Variants in PRKCB observed in about 807,000 individuals in gnomAD.
PRKCB encodes the protein protein kinase C beta.
Under a neutral mutation model 81.5 loss-of-function variants are expected in PRKCB, and 13 were observed. The observed-to-expected ratio is 0.16, with a 90% confidence interval of 0.10 to 0.25. The LOEUF (loss-of-function observed/expected upper bound fraction) is 0.25. Ranked by LOEUF, PRKCB falls within the 10% of genes least tolerant of loss-of-function variation. The pLI is 1.00. For missense variants in PRKCB, 509 were observed against 875.7 expected (o/e 0.58, Z 5.29); for synonymous variants, 335 against 321.4 (o/e 1.04, Z -0.45).
At chr16:23,957,658 C>T (rs1324704661) in intron 2 of PRKCB, among the ~76,000 whole-genome samples, 1 of 152,062 alleles carries the variant, frequency 6.6e-6, no homozygotes, top group Non-Finnish European at 1.5e-5. Flanking sequence ...CTCCCCACCC[C>T]TCACCTTAGT....
intron 2 of PRKCB, among the ~76,000 whole-genome samples, chr16:23,846,573 G>T (rs1962371463): frequency 8.2e-6 from 1 of 121,572 alleles, no homozygotes; most frequent in South Asian, 2.8e-4. Context: ...TTGCGCCACT[G>T]CACTCCAGCC....
At chr16:24,115,643 T>G (rs1009524939) in intron 8 of PRKCB, among the ~76,000 whole-genome samples, 3 of 152,154 alleles carry the variant, frequency 2.0e-5, no homozygotes, top group Admixed American at 1.3e-4. Context: ...AGAGCATTTT[T>G]CCCAAGACTA....
chr16:24,047,848 C>T (rs1000717344), intron 5 of PRKCB, among the ~76,000 whole-genome samples: 1 of 152,138 alleles, frequency 6.6e-6, no homozygotes, highest in Non-Finnish European at 1.5e-5. Flanking sequence ...TGCCTGTTGC[C>T]CCAGCACTGT....
chr16:23,884,608 C>G (rs1003330510), intron 2 of PRKCB, among the ~76,000 whole-genome samples: 1 of 152,206 alleles, frequency 6.6e-6, no homozygotes, highest in Admixed American at 6.5e-5. Context: ...GACCGTAGCT[C>G]ACTGCAGCTT....
At chr16:23,902,732 C>CCCTCCATCCCTCCCTCCCTT (rs1175142476) in intron 2 of PRKCB, among the ~76,000 whole-genome samples, 1 of 11,114 alleles carries the variant, frequency 9.0e-5, no homozygotes, top group African/African-American at 4.7e-4. Context: ...CTCCCTTCCT[C>CCCTCCATCCCTCCCTCCCTT]CCTTCCTTCC....
chr16:23,937,602 G>A (rs749119216), intron 2 of PRKCB, among the ~76,000 whole-genome samples: 12 of 152,116 alleles, frequency 7.9e-5, no homozygotes, highest in Non-Finnish European at 1.5e-4. Flanking sequence ...AAGGCAGATG[G>A]CACTGGATTG....
intron 3 of PRKCB, among the ~76,000 whole-genome samples, chr16:24,024,452 AAG>A (rs1253131896): frequency 1.3e-5 from 2 of 152,326 alleles, no homozygotes; most frequent in East Asian, 1.9e-4. Context: ...CAAAGTAATT[AAG>A]AGAGTAAATT....
rs1004524891 is a variant in PRKCB at position 24,092,669 on chromosome 16, A to G, written c.530-122A>G. 1.1e-5 allele frequency: 10 copies of G among 951,114 alleles called. No homozygotes were observed. The African/African-American group carries it at 1.6e-4, about 16-fold the overall frequency. 58.9% of individuals were successfully genotyped at this position (951,114 alleles called of 1,614,324 possible). A position where few individuals can be genotyped will look rare whatever the true frequency, so the allele number is the denominator to read the frequency against. Reference sequence around the variant, plus strand: ...TGCTTCAGCTATGGATGTTAATAAAATTAAATTTCTCACTAAACAAGTGTG... The same window carrying G: ...TGCTTCAGCTATGGATGTTAATAAAGTTAAATTTCTCACTAAACAAGTGTG... On this transcript the variant is annotated intron_variant, in intron 5 of 16. Transcript: ENST00000643927.
In PRKCB at chr16:23,882,079, C is replaced by CT. The variant is rs59918178; in HGVS notation, c.205+44688dup. On this transcript the variant is annotated intron_variant, in intron 2 of 16. Transcript: ENST00000643927. Reference sequence around the variant, plus strand: ...CTTCTTCCTTTCCTTTCTTTCTTTCCTTTTTTTTTTTTTTTGACAGGGTCT... The same window carrying CT: ...CTTCTTCCTTTCCTTTCTTTCTTTCCTTTTTTTTTTTTTTTTGACAGGGTCT... 1.3e-4 allele frequency among the ~76,000 whole-genome samples: 11 copies of CT among 87,608 alleles called. 1 individual carries two copies. Among genetic ancestry groups the CT allele is most frequent in the Non-Finnish European group, 2.1e-4 (9 of 43,676 alleles). The allele number at this position is 87,608 out of a possible 152,430, so 57.5% of individuals were successfully genotyped here. A position where few individuals can be genotyped will look rare whatever the true frequency, so the allele number is the denominator to read the frequency against.
At chr16:23,918,787 T>C (rs1963782208) in intron 2 of PRKCB, among the ~76,000 whole-genome samples, 1 of 152,258 alleles carries the variant, frequency 6.6e-6, no homozygotes, top group Non-Finnish European at 1.5e-5. Context: ...TAAATAACTA[T>C]TGAGTTAAAT....
intron 9 of PRKCB, among the ~76,000 whole-genome samples, chr16:24,124,443 TCA>T (rs1966839084): frequency 6.6e-6 from 1 of 152,130 alleles, no homozygotes. Context: ...TGGGTTTCAC[TCA>T]CAGTGCAGCG....
At chr16:23,981,324 T>C (rs552430349) in intron 2 of PRKCB, among the ~76,000 whole-genome samples, 57 of 151,892 alleles carry the variant, frequency 3.8e-4, no homozygotes, top group Non-Finnish European at 7.9e-4. Flanking sequence ...TGACTCCGAG[T>C]CTCTTCCCTC....
chr16:23,905,098 C>G (rs1963539621), intron 2 of PRKCB, among the ~76,000 whole-genome samples: 1 of 139,822 alleles, frequency 7.2e-6, no homozygotes, highest in Non-Finnish European at 1.5e-5. Context: ...TGCTTGCTGA[C>G]TTACTGCTAG....
intron 2 of PRKCB, among the ~76,000 whole-genome samples, chr16:23,884,945 C>CCTTTGGAATCAGACAAACCTGGATTTG (rs61461932): frequency 6.6e-6 from 1 of 151,878 alleles, no homozygotes; most frequent in Non-Finnish European, 1.5e-5. Context: ...AGGTGCAGGG[C>CCTTTGGAATCAGACAAACCTGGATTTG]ACTCCCAGGT....
chr16:24,011,065 C>T (rs1432376909), intron 3 of PRKCB, among the ~76,000 whole-genome samples: 1 of 152,042 alleles, frequency 6.6e-6, no homozygotes, highest in Non-Finnish European at 1.5e-5. Flanking sequence ...GGGGTTTCAT[C>T]ATGTTGCCCA....
chr16:24,179,044 C>G (rs114198910), intron 12 of PRKCB, among the ~76,000 whole-genome samples: 1 of 152,266 alleles, frequency 6.6e-6, no homozygotes, highest in African/African-American at 2.4e-5. Context: ...CATCTGGTGA[C>G]CCCTGGAGTT....
intron 2 of PRKCB, among the ~76,000 whole-genome samples, chr16:23,956,693 CTT>C (rs1271927205): frequency 1.3e-5 from 2 of 152,226 alleles, no homozygotes; most frequent in East Asian, 3.9e-4. Context: ...TAGAAAATGT[CTT>C]TTAGAAGATA....
At chr16:24,011,202 A>G (rs1965198725) in intron 3 of PRKCB, among the ~76,000 whole-genome samples, 1 of 152,080 alleles carries the variant, frequency 6.6e-6, no homozygotes. Flanking sequence ...GAGGTAGGGT[A>G]AGAAGGACTG....
chr16:24,074,039 G>A (rs1966147870), intron 5 of PRKCB, among the ~76,000 whole-genome samples: 2 of 152,064 alleles, frequency 1.3e-5, no homozygotes, highest in Non-Finnish European at 2.9e-5. Context: ...GGAGGCTGAG[G>A]CAGGAGAATG....
Sources: gnomAD v4.1 joint callset for allele counts (sites outside exome capture counted in the v4.1 genomes callset) on GRCh38, gnomAD v4.1.1 for gene constraint, MANE v1.5 for transcripts, NCBI Gene and HGNC (gene_info 2026-07-23, HGNC 2026-07-21) for gene names.